The following YWHAE variants were observed in gnomAD, a reference collection of about 807,000 sequenced individuals.
YWHAE encodes the protein tyrosine 3-monooxygenase/tryptophan 5-monooxygenase activation protein epsilon, also known as 14-3-3 protein epsilon.
Under a neutral mutation model 30.1 loss-of-function variants are expected in YWHAE, and 4 were observed. That is an observed-to-expected ratio of 0.13 (90% confidence interval 0.07 to 0.30). The LOEUF (loss-of-function observed/expected upper bound fraction) is 0.30. Ranked by LOEUF, YWHAE falls within the 10% of genes least tolerant of loss-of-function variation. The pLI, the probability that YWHAE is intolerant of heterozygous loss-of-function variation, is 1.00. For missense variants in YWHAE, 121 were observed against 315.9 expected (o/e 0.38, Z 4.68); for synonymous variants, 118 against 111.8 (o/e 1.06, Z -0.35).
chr17:1,358,654 C>A (rs1947043857), intron 4 of YWHAE, among the ~76,000 whole-genome samples: 1 of 151,662 alleles, frequency 6.6e-6, no homozygotes. Context: ...AGTGAAACCT[C>A]GTCTCTACTA....
intron 1 of YWHAE, among the ~76,000 whole-genome samples, chr17:1,368,652 T>C (rs965133099): frequency 1.3e-5 from 2 of 152,016 alleles, no homozygotes; most frequent in African/African-American, 4.8e-5. Flanking sequence ...ATCTAAAACA[T>C]GCCCAATTTT....
At chr17:1,380,381 G>A (rs2073188642) in intron 1 of YWHAE, among the ~76,000 whole-genome samples, 1 of 152,110 alleles carries the variant, frequency 6.6e-6, no homozygotes, top group Non-Finnish European at 1.5e-5. Flanking sequence ...CAAAGTGCGT[G>A]AGCCACCGCG....
chr17:1,356,479 A>G (rs191161151), intron 4 of YWHAE, among the ~76,000 whole-genome samples: 85 of 152,366 alleles, frequency 5.6e-4, no homozygotes, highest in Non-Finnish European at 9.7e-4. Flanking sequence ...AGGAGAAAAC[A>G]AAACACACTT....
chr17:1,377,161 G>A (rs918436420), intron 1 of YWHAE, among the ~76,000 whole-genome samples: 2 of 152,046 alleles, frequency 1.3e-5, no homozygotes, highest in Non-Finnish European at 2.9e-5. Flanking sequence ...TGATCCACCT[G>A]CCTCGGCCTC....
Position 1,388,714 on chromosome 17 carries a change from G to A in YWHAE, c.64+11333C>T, listed in dbSNP as rs921190112. Among the ~76,000 whole-genome samples the A allele has an allele frequency of 5.9e-5, 9 of 151,442 alleles. No homozygotes were observed. In the East Asian group the frequency reaches 7.9e-4, roughly 13 times the overall value. ...GTATGTCAATTCTTTGATGAGCTAA[G>A]AAACCCCCATCAAAATTTCAACACT... On this transcript the variant is annotated intron_variant, in intron 1 of 5. Coordinates refer to ENST00000264335, the MANE Select transcript of YWHAE (RefSeq NM_006761.5).
chr17:1,393,536 T>C (rs930593236), intron 1 of YWHAE, among the ~76,000 whole-genome samples: 4 of 152,086 alleles, frequency 2.6e-5, no homozygotes, highest in Non-Finnish European at 5.9e-5. Flanking sequence ...GGTCAAGCGA[T>C]TTCCCACCTC....
chr17:1,356,504 A>T (rs746880484), intron 4 of YWHAE, among the ~76,000 whole-genome samples: 19 of 152,244 alleles, frequency 1.2e-4, no homozygotes, highest in Non-Finnish European at 2.6e-4. Context: ...TTTAAGCAGA[A>T]GCATGAGCAA....
intron 1 of YWHAE, chr17:1,399,537 A>C: frequency 5.9e-6 from 1 of 168,250 alleles, no homozygotes; most frequent in Non-Finnish European, 1.2e-5. Flanking sequence ...CCGCCGCCCC[A>C]CACGGGGCCT....
intron 4 of YWHAE, among the ~76,000 whole-genome samples, chr17:1,357,505 A>G (rs546000107): frequency 2.0e-5 from 3 of 151,280 alleles, no homozygotes; most frequent in Non-Finnish European, 2.9e-5. Context: ...GCCTGAACCC[A>G]GGAGGCTGAG....
chr17:1,396,360 G>A (rs2073471361), intron 1 of YWHAE, among the ~76,000 whole-genome samples: 1 of 152,128 alleles, frequency 6.6e-6, no homozygotes, highest in South Asian at 2.1e-4. Context: ...GGAGGCGGAG[G>A]TTGCAGTGGG....
chr17:1,360,904 G>C lies in YWHAE; in HGVS notation c.578+188C>G, dbSNP rs11655176. Among the ~76,000 whole-genome samples, 112,161 of 152,076 alleles carry C rather than the reference G, an allele frequency of 0.74. 42,768 individuals carry two copies. The highest frequency in any genetic ancestry group is 0.93 in the African/African-American group (38,566 of 41,526). On this transcript the variant is annotated intron_variant, in intron 4 of 5. Transcript: ENST00000264335. ...AAATATCCCACATCAAAATAATTAT[G>C]CTGACTGCTATGCTAGTGGGTTGAG... is the stretch of plus-strand genomic sequence containing the variant.
intron 4 of YWHAE, among the ~76,000 whole-genome samples, chr17:1,360,733 T>C (rs984426835): frequency 1.3e-5 from 2 of 152,130 alleles, no homozygotes; most frequent in Non-Finnish European, 2.9e-5. Flanking sequence ...GCCACTGCAC[T>C]CTAGCCTGGG....
chr17:1,370,438 CTT>C (rs1174054974), intron 1 of YWHAE, among the ~76,000 whole-genome samples: 2 of 151,430 alleles, frequency 1.3e-5, no homozygotes, highest in Non-Finnish European at 2.9e-5. Flanking sequence ...GCCAGAACAA[CTT>C]TTTGTTTTTT....
At chr17:1,359,654 G>C (rs777663975) in intron 4 of YWHAE, among the ~76,000 whole-genome samples, 4 of 151,902 alleles carry the variant, frequency 2.6e-5, no homozygotes, top group African/African-American at 7.3e-5. Context: ...CAAATTCATA[G>C]TGACAACGTA....
chr17:1,388,103 TTTTTTTTTTG>T (rs1567983153), intron 1 of YWHAE, among the ~76,000 whole-genome samples: 1 of 46,722 alleles, frequency 2.1e-5, no homozygotes, highest in African/African-American at 1.3e-4. Context: ...TAATTTTTGT[TTTTTTTTTTG>T]GTTGGTTTTT....
At chr17:1,384,274 G>A (rs1382440184) in intron 1 of YWHAE, among the ~76,000 whole-genome samples, 1 of 151,996 alleles carries the variant, frequency 6.6e-6, no homozygotes, top group South Asian at 2.1e-4. Flanking sequence ...TACCCAGGAC[G>A]CAGAGGTGGG....
At chr17:1,394,286 G>T (rs948208077) in intron 1 of YWHAE, among the ~76,000 whole-genome samples, 2 of 151,976 alleles carry the variant, frequency 1.3e-5, no homozygotes, top group Admixed American at 1.3e-4. Flanking sequence ...CGTGGGCTGT[G>T]AACTGAGGTA....
chr17:1,370,842 A>G (rs2073030924), intron 1 of YWHAE, among the ~76,000 whole-genome samples: 2 of 150,822 alleles, frequency 1.3e-5, no homozygotes, highest in South Asian at 4.2e-4. Flanking sequence ...CTAAAAGTGC[A>G]AAAAAAAATC....
rs191234491 is a variant in YWHAE, at chr17:1,395,078, C to G, written c.64+4969G>C. Among the ~76,000 whole-genome samples, 614 of 151,926 alleles carry G rather than the reference C, an allele frequency of 4.0e-3. 1 individual carries two copies. The highest frequency in any genetic ancestry group is 0.013 in the African/African-American group (558 of 41,404). On this transcript the variant is annotated intron_variant, in intron 1 of 5. Transcript: ENST00000264335. ...AAATATGCCTGCAGTATCAGTCACC[C>G]TTACAGTCATCCATGAAAAAAAAAA...
Sources: allele counts gnomAD v4.1 joint callset (sites outside exome capture counted in the v4.1 genomes callset), GRCh38; gene constraint gnomAD v4.1.1; transcripts MANE v1.5; gene names NCBI Gene and HGNC (gene_info 2026-07-23, HGNC 2026-07-21).